The following LRP1B variants were observed in gnomAD, a reference collection of about 807,000 sequenced individuals.
The protein encoded by LRP1B is LDL receptor related protein 1B.
A neutral mutation model predicts 556.6 loss-of-function variants in LRP1B; 217 were observed. That is an observed-to-expected ratio of 0.39 (90% CI 0.35 to 0.44). LRP1B has a LOEUF of 0.44. Among genes scored for constraint, LRP1B ranks in the 20% least tolerant of loss-of-function variants. The probability of loss-of-function intolerance (pLI) is 1.00; values close to 1 mark genes in which losing one functional copy is unlikely to be tolerated. For missense variants in LRP1B, 5,053 were observed against 5,620.8 expected (o/e 0.90, Z 3.23); for synonymous variants, 2,047 against 1,865.8 (o/e 1.10, Z -2.50).
At chr2:140,884,250 G>A (rs1222986382) in intron 24 of LRP1B, among the ~76,000 whole-genome samples, 2 of 152,078 alleles carry the variant, frequency 1.3e-5, no homozygotes, top group East Asian at 3.9e-4. Flanking sequence ...TTTGGTATCA[G>A]TGGAATAAAG....
chr2:141,743,114 A>T (rs546634382), intron 2 of LRP1B, among the ~76,000 whole-genome samples: 1 of 152,014 alleles, frequency 6.6e-6, no homozygotes, highest in African/African-American at 2.4e-5. Flanking sequence ...GATGATTGTT[A>T]TAGCTATGTG....
At chr2:141,320,067 G>T (rs936399428) in intron 3 of LRP1B, among the ~76,000 whole-genome samples, 2 of 152,034 alleles carry the variant, frequency 1.3e-5, no homozygotes, top group Middle Eastern at 3.2e-3. Flanking sequence ...TAATTTCTCA[G>T]ATGATGCCAA....
chr2:140,808,183 A>G (rs961654282), intron 32 of LRP1B, among the ~76,000 whole-genome samples: 1 of 86,074 alleles, frequency 1.2e-5, no homozygotes, highest in African/African-American at 3.3e-5. Context: ...GCAACTTGAA[A>G]GGTGTTAACA....
chr2:141,672,426 A>G, intron 2 of LRP1B, among the ~76,000 whole-genome samples: 1 of 152,158 alleles, frequency 6.6e-6, no homozygotes, highest in East Asian at 1.9e-4. Context: ...GTTCAAATTT[A>G]GTCTATTCTA....
chr2:141,986,062 T>G (rs2105104945), intron 1 of LRP1B, among the ~76,000 whole-genome samples: 1 of 151,986 alleles, frequency 6.6e-6, no homozygotes, highest in Non-Finnish European at 1.5e-5. Context: ...ATGGGCTTCT[T>G]TCTCAGGGAA....
Position 141,517,029 on chromosome 2 carries a change from A to AAAAAAAAAAAAAACAAAAAAAC in LRP1B, c.206-36497_206-36496insGTTTTTTTGTTTTTTTTTTTTT, listed in dbSNP as rs772472942. 1.4e-3 allele frequency among the ~76,000 whole-genome samples: 127 copies of AAAAAAAAAAAAAACAAAAAAAC among 90,156 alleles called. 5 individuals are homozygous for AAAAAAAAAAAAAACAAAAAAAC. The highest frequency in any genetic ancestry group is 2.8e-3 in the East Asian group (7 of 2,472). The allele number at this position is 90,156 out of a possible 152,430, so 59.1% of individuals were successfully genotyped here. ...TAAAAAAAAAAAAAAAAAAAAAAAA[A>AAAAAAAAAAAAAACAAAAAAAC]AAAGTAAATCAATGAAATAATTTAA... On this transcript the variant is annotated intron_variant, in intron 2 of 90. Coordinates refer to ENST00000389484, the MANE Select transcript of LRP1B (RefSeq NM_018557.3).
chr2:140,825,727 C>T (rs912001478), intron 31 of LRP1B, among the ~76,000 whole-genome samples: 5 of 151,728 alleles, frequency 3.3e-5, no homozygotes, highest in Non-Finnish European at 5.9e-5. Context: ...TAACAGAGCT[C>T]GTATTTAGAT....
At chr2:140,452,265 A>G (rs1686916603) in intron 62 of LRP1B, among the ~76,000 whole-genome samples, 1 of 152,156 alleles carries the variant, frequency 6.6e-6, no homozygotes, top group African/African-American at 2.4e-5. Flanking sequence ...TTAGTAATCT[A>G]TTACCGTAAA....
chr2:141,077,796 A>C (rs1321522931), intron 7 of LRP1B, among the ~76,000 whole-genome samples: 2 of 152,124 alleles, frequency 1.3e-5, no homozygotes, highest in African/African-American at 4.8e-5. Flanking sequence ...ATTTCTTAAA[A>C]GAAATCTCTC....
chr2:140,337,860 A>T (rs1369399869), intron 77 of LRP1B, among the ~76,000 whole-genome samples: 1 of 151,764 alleles, frequency 6.6e-6, no homozygotes, highest in Non-Finnish European at 1.5e-5. Context: ...ATTCTCAAAA[A>T]ATTCTGATTA....
At chr2:141,120,063 C>T (rs1425604137) in intron 7 of LRP1B, among the ~76,000 whole-genome samples, 2 of 151,818 alleles carry the variant, frequency 1.3e-5, no homozygotes, top group Non-Finnish European at 2.9e-5. Flanking sequence ...GTATGGGTAC[C>T]TTCCACTTAT....
At chr2:140,688,076 T>G (rs1189193491) in intron 41 of LRP1B, among the ~76,000 whole-genome samples, 1 of 152,122 alleles carries the variant, frequency 6.6e-6, no homozygotes, top group Non-Finnish European at 1.5e-5. Flanking sequence ...TCATGGATTG[T>G]TTTCCCTTAG....
At chr2:140,335,464 C>A (rs1285424004) in intron 78 of LRP1B, 151 bp downstream of exon 78, 1 of 625,216 alleles carries the variant, frequency 1.6e-6, no homozygotes, top group Non-Finnish European at 2.8e-6. Flanking sequence ...ATAGGACATG[C>A]TTTTTTACAG....
intron 67 of LRP1B, among the ~76,000 whole-genome samples, chr2:140,378,950 T>C (rs1558841135): frequency 6.6e-6 from 1 of 152,232 alleles, no homozygotes; most frequent in African/African-American, 2.4e-5. Flanking sequence ...TTAATTATGG[T>C]GTCCCATAGT....
chr2:141,903,049 C>T (rs1053580908), intron 1 of LRP1B, among the ~76,000 whole-genome samples: 2 of 151,722 alleles, frequency 1.3e-5, no homozygotes, highest in African/African-American at 4.8e-5. Flanking sequence ...ACTCCCTGCC[C>T]TTAGTATGCC....
chr2:141,526,157 CGTT>C (rs1684687581), intron 2 of LRP1B, among the ~76,000 whole-genome samples: 1 of 151,890 alleles, frequency 6.6e-6, no homozygotes, highest in South Asian at 2.1e-4. Flanking sequence ...GTTACAGAAA[CGTT>C]GTTTTACCTA....
chr2:141,359,022 C>A (rs925819416), intron 3 of LRP1B, among the ~76,000 whole-genome samples: 20 of 151,852 alleles, frequency 1.3e-4, no homozygotes, highest in Non-Finnish European at 4.4e-5. Context: ...TGAATTTTAA[C>A]TTTTAAAAAT....
chr2:141,023,773 T>A (rs1461499967), intron 11 of LRP1B, among the ~76,000 whole-genome samples: 1 of 152,036 alleles, frequency 6.6e-6, no homozygotes, highest in Non-Finnish European at 1.5e-5. Context: ...ATTTGAGGCA[T>A]ATAATAAGAA....
chr2:140,363,247 C>G (rs1001946076), intron 72 of LRP1B, among the ~76,000 whole-genome samples: 2 of 151,594 alleles, frequency 1.3e-5, no homozygotes, highest in Non-Finnish European at 1.5e-5. Flanking sequence ...AATAGCTTGA[C>G]TCAATGTTGA....
Sources: gnomAD v4.1 joint callset for allele counts (sites outside exome capture counted in the v4.1 genomes callset) on GRCh38, gnomAD v4.1.1 for gene constraint, MANE v1.5 for transcripts, NCBI Gene and HGNC (gene_info 2026-07-23, HGNC 2026-07-21) for gene names.